AGR3: variants seen among roughly 807,000 people sequenced by gnomAD.
The protein encoded by AGR3 is anterior gradient protein 3.
Under a neutral mutation model 24.5 loss-of-function variants are expected in AGR3, and 37 were observed. That is an observed-to-expected ratio of 1.51 (90% CI 1.16 to 1.99). The LOEUF is 1.99. Ranked by LOEUF, AGR3 falls within the 30% of genes most tolerant of loss-of-function variation. The pLI is 0.00. For missense variants in AGR3, 228 were observed against 191.1 expected (o/e 1.19, Z -1.14); for synonymous variants, 75 against 61.6 (o/e 1.22, Z -1.02).
chr7:16,877,502 A>G (rs1412423179), intron 2 of AGR3, among the ~76,000 whole-genome samples: 2 of 151,942 alleles, frequency 1.3e-5, no homozygotes, highest in African/African-American at 2.4e-5. Flanking sequence ...CTGATTTTGA[A>G]TAGCTATATG....
intron 1 of AGR3, among the ~76,000 whole-genome samples, chr7:16,881,734 G>A (rs146045667): frequency 1.3e-3 from 199 of 152,188 alleles, no homozygotes; most frequent in African/African-American, 4.6e-3. Context: ...TGTGGTTGAC[G>A]TCAATTTATT....
intron 7 of AGR3, 64 bp from the exon 8 acceptor site, chr7:16,859,695 T>G: frequency 9.1e-7 from 1 of 1,103,086 alleles, no homozygotes; most frequent in Non-Finnish European, 1.3e-6. Context: ...TATGATCTAT[T>G]AACTCTAGAA....
At chr7:16,857,998 T>C (rs138267089), downstream of AGR3, among the ~76,000 whole-genome samples, 1 of 151,974 alleles carries the variant, frequency 6.6e-6, no homozygotes, top group East Asian at 1.9e-4. Context: ...TTTCTTTTTT[T>C]TTTTTTGAGA....
At position 16,864,933 on chromosome 7, in the gene AGR3, G is replaced by A. The variant is rs1437487163; in HGVS notation, c.174-2271C>T. ...CAATATCATCAATTTCCATGAAGAA[G>A]TCTATGTAGTTTTGGTGAAGATATA... is the stretch of plus-strand genomic sequence containing the variant. On this transcript the variant is annotated intron_variant, in intron 3 of 7. Transcript: ENST00000310398. 11 of 956,804 alleles carry A rather than the reference G, an allele frequency of 1.1e-5. No individual in the cohort carries two copies. In the South Asian group the frequency reaches 1.2e-4, roughly 10 times the overall value. The allele number at this position is 956,804 out of a possible 1,614,324, so 59.3% of individuals were successfully genotyped here.
At position 16,866,984 on chromosome 7, in the gene AGR3, C is replaced by G. The variant is rs1781770213; in HGVS notation, c.174-4322G>C. ...CTCCTTTTCTTTGTTTGGCTATGCT[C>G]AAGCCTAGCAGACAGCACTAGCATG... On this transcript the variant is annotated intron_variant, in intron 3 of 7. Coordinates refer to ENST00000310398, the MANE Select transcript of AGR3 (RefSeq NM_176813.5). Among the ~76,000 whole-genome samples, 5 of 152,092 alleles carry G rather than the reference C, an allele frequency of 3.3e-5. No homozygotes were observed. In the South Asian group the frequency reaches 1.0e-3, roughly 32 times the overall value.
intron 3 of AGR3, 61 bp downstream of exon 3, chr7:16,873,719 G>T (rs1342564280): frequency 1.6e-6 from 2 of 1,263,536 alleles, no homozygotes; most frequent in East Asian, 4.7e-5. Context: ...CCATAAATAT[G>T]TACAATTATT....
intron 3 of AGR3, chr7:16,864,896 C>T (rs1199166102): frequency 1.1e-6 from 1 of 889,812 alleles, no homozygotes; most frequent in Non-Finnish European, 1.9e-6. Flanking sequence ...CTTAGAAATT[C>T]ACTGGCTCTC....
intron 3 of AGR3, chr7:16,864,775 G>A: frequency 9.2e-7 from 1 of 1,086,772 alleles, no homozygotes; most frequent in Non-Finnish European, 1.4e-6. Flanking sequence ...TTGGCAATGA[G>A]CATATCCTCC....
At chr7:16,866,690 A>C (rs946573121) in intron 3 of AGR3, among the ~76,000 whole-genome samples, 14 of 152,128 alleles carry the variant, frequency 9.2e-5, no homozygotes, top group Non-Finnish European at 2.1e-4. Context: ...CTTTCTTATA[A>C]AAAATAGTCA....
intron 3 of AGR3, chr7:16,864,657 G>A (rs1253003615): frequency 1.1e-5 from 17 of 1,583,136 alleles, no homozygotes; most frequent in Non-Finnish European, 1.5e-5. Context: ...AAGCTGGTAG[G>A]CAGAAGTCAG....
At chr7:16,869,599 C>A (rs1402939152) in intron 3 of AGR3, among the ~76,000 whole-genome samples, 1 of 150,824 alleles carries the variant, frequency 6.6e-6, no homozygotes, top group Non-Finnish European at 1.5e-5. Flanking sequence ...TGGTGGCACA[C>A]ATTTGTAGTC....
At position 16,862,069 on chromosome 7, in the gene AGR3, GA is replaced by G; in HGVS notation, c.227-10del. 1 of 1,605,590 alleles carries G rather than the reference GA, an allele frequency of 6.2e-7. No individual in the cohort carries two copies. The highest frequency in any genetic ancestry group is 1.3e-5 in the African/African-American group (1 of 74,616). On this transcript the variant is annotated splice_polypyrimidine_tract_variant and intron_variant, in intron 4 of 7. Transcript: ENST00000310398. The stretch of plus-strand genomic sequence containing the variant: ...AAATACTTTCTTTAGTGCTATAGGG[GA>G]AAACAAAATTGCCAGTTAGTTTTAA...
At chr7:16,867,907 C>G (rs1007644716) in intron 3 of AGR3, among the ~76,000 whole-genome samples, 6 of 152,092 alleles carry the variant, frequency 3.9e-5, no homozygotes, top group Admixed American at 6.6e-5. Context: ...TATGGTAGTT[C>G]TATTTTTAAT....
intron 2 of AGR3, among the ~76,000 whole-genome samples, chr7:16,874,601 T>C (rs1781950212): frequency 6.6e-6 from 1 of 152,160 alleles, no homozygotes; most frequent in Non-Finnish European, 1.5e-5. Flanking sequence ...AGAGATTGAA[T>C]TAATGTGAAA....
chr7:16,863,713 C>A (rs1321597685), intron 3 of AGR3, among the ~76,000 whole-genome samples: 1 of 151,628 alleles, frequency 6.6e-6, no homozygotes, highest in East Asian at 1.9e-4. Flanking sequence ...TTAGATATGC[C>A]ACTGTTCTTT....
rs1562550538 is a variant in AGR3 at position 16,873,799 on chromosome 7, G to T, written c.154C>A (p.Leu52Ile). The change falls in exon 3 of 8, where the codon CTC becomes ATC. Residue 52 changes from leucine to isoleucine, a missense_variant. By Grantham distance (5) the Leu-to-Ile change is conservative. Transcript: ENST00000310398. ...TGTTACCTTTTTTGAGCATAAAAGA[G>T]ACCTTCTTCATAAGTTTGTACCCAA... is the stretch of plus-strand genomic sequence containing the variant. The part of the protein sequence containing the change: ...ITWVQTYEEG[L>I]FYAQKSKKPL... 1 of 1,612,946 alleles carries T rather than the reference G, an allele frequency of 6.2e-7. No homozygotes were observed. The highest frequency in any genetic ancestry group is 8.5e-7 in the Non-Finnish European group (1 of 1,179,208).
chr7:16,881,892 T>TATATTTAA (rs1386124029), intron 1 of AGR3, 52 bp downstream of exon 1: 1 of 470,638 alleles, frequency 2.1e-6, no homozygotes, highest in Non-Finnish European at 4.4e-6. Context: ...ATTATTTAAA[T>TATATTTAA]ATAGCAAAGC....
At chr7:16,875,883 C>G (rs1457612532) in intron 2 of AGR3, among the ~76,000 whole-genome samples, 1 of 152,200 alleles carries the variant, frequency 6.6e-6, no homozygotes, top group Non-Finnish European at 1.5e-5. Flanking sequence ...CATGCAATAT[C>G]TATACATCAC....
intron 3 of AGR3, among the ~76,000 whole-genome samples, chr7:16,873,214 T>G (rs916996588): frequency 1.3e-5 from 2 of 152,052 alleles, no homozygotes; most frequent in Non-Finnish European, 2.9e-5. Flanking sequence ...AATGGATGGA[T>G]GGATAAAGAG....
Sources: gnomAD v4.1 joint callset for allele counts (sites outside exome capture counted in the v4.1 genomes callset) on GRCh38, gnomAD v4.1.1 for gene constraint, MANE v1.5 for transcripts, NCBI Gene and HGNC (gene_info 2026-07-23, HGNC 2026-07-21) for gene names.